PPFIBP2: variants seen among roughly 807,000 people sequenced by gnomAD.
The protein encoded by PPFIBP2 is PPFIB scaffold protein 2.
Under a neutral mutation model 118.3 loss-of-function variants are expected in PPFIBP2, and 118 were observed. That is an observed-to-expected ratio of 1.00 (90% CI 0.86 to 1.16). The LOEUF is 1.16. Among genes scored for constraint, PPFIBP2 ranks in the 50% most tolerant of loss-of-function variants. The pLI, the probability that PPFIBP2 is intolerant of heterozygous loss-of-function variation, is 0.00. For missense variants in PPFIBP2, 1,195 were observed against 1,073.1 expected, an observed-to-expected ratio of 1.11 and a Z score of -1.59; for synonymous variants, 414 against 397.4, an observed-to-expected ratio of 1.04 and a Z score of -0.50.
chr11:7,550,356 T>C lies in PPFIBP2; in HGVS notation c.64+817T>C, dbSNP rs570544299. ...GTGGAGGAAGGTATTGGGCCAAGTG[T>C]GGCTAGACCCCAGGAAGTACACAGA... On this transcript the variant is annotated intron_variant, in intron 2 of 23. Coordinates refer to ENST00000299492, the MANE Select transcript of PPFIBP2 (RefSeq NM_003621.5). 2.0e-5 allele frequency among the ~76,000 whole-genome samples: 3 copies of C among 152,314 alleles called. No individual in the cohort carries two copies. The East Asian group carries it at 5.8e-4, about 29-fold the overall frequency.
chr11:7,540,218 C>A (rs1250834716), intron 1 of PPFIBP2, among the ~76,000 whole-genome samples: 1 of 151,350 alleles, frequency 6.6e-6, no homozygotes, highest in Non-Finnish European at 1.5e-5. Context: ...ATAGACCCAC[C>A]CTCCTGGCAG....
At chr11:7,575,301 G>A (rs1431987454) in intron 3 of PPFIBP2, among the ~76,000 whole-genome samples, 1 of 152,240 alleles carries the variant, frequency 6.6e-6, no homozygotes, top group East Asian at 1.9e-4. Flanking sequence ...GAGTGGTCCA[G>A]TGTGACAAGG....
At chr11:7,621,125 A>G (rs576741503) in intron 7 of PPFIBP2, 98 bp downstream of exon 7, 28 of 909,628 alleles carry the variant, frequency 3.1e-5, no homozygotes, top group Admixed American at 1.2e-4. Context: ...AAGTTTGAAA[A>G]TGCAAATCAA....
At chr11:7,627,133 C>T (rs531665469) in intron 8 of PPFIBP2, among the ~76,000 whole-genome samples, 1 of 152,334 alleles carries the variant, frequency 6.6e-6, no homozygotes, top group African/African-American at 2.4e-5. Context: ...GTCTAAGCCT[C>T]CCAGGCCCTA....
chr11:7,623,330 C>G (rs563651946), intron 7 of PPFIBP2, among the ~76,000 whole-genome samples: 113 of 152,304 alleles, frequency 7.4e-4, no homozygotes, highest in African/African-American at 2.5e-3. Flanking sequence ...GCCCAACTGC[C>G]TGTCTGCATA....
downstream of PPFIBP2, chr11:7,656,671 A>C: frequency 1.6e-6 from 2 of 1,242,190 alleles, no homozygotes; most frequent in Non-Finnish European, 2.1e-6. Flanking sequence ...CAGCTGCCGC[A>C]GGGCAGCCTG....
intron 1 of PPFIBP2, among the ~76,000 whole-genome samples, chr11:7,527,651 G>A (rs10839798): frequency 0.43 from 65,554 of 151,846 alleles, 14,475 homozygotes; most frequent in African/African-American, 0.49. Context: ...AGAGAAAGAT[G>A]TTGGGGGGGC....
chr11:7,565,849 G>T, intron 3 of PPFIBP2, 82 bp downstream of exon 3: 1 of 1,453,502 alleles, frequency 6.9e-7, no homozygotes, highest in Non-Finnish European at 9.5e-7. Flanking sequence ...GACTGGGGCT[G>T]TTGAGTCATC....
intron 12 of PPFIBP2, among the ~76,000 whole-genome samples, chr11:7,633,624 C>T (rs1851065894): frequency 6.6e-6 from 1 of 152,162 alleles, no homozygotes; most frequent in South Asian, 2.1e-4. Flanking sequence ...CAGAATGGTG[C>T]TGAGTCTCCA....
intron 1 of PPFIBP2, chr11:7,539,600 CAG>C (rs1162355256): frequency 6.6e-6 from 1 of 152,336 alleles, no homozygotes; most frequent in East Asian, 1.9e-4. Context: ...GCTCCGGGGT[CAG>C]AGATATGGCC....
intron 3 of PPFIBP2, among the ~76,000 whole-genome samples, chr11:7,573,291 A>G (rs934957219): frequency 6.6e-6 from 1 of 152,194 alleles, no homozygotes; most frequent in Non-Finnish European, 1.5e-5. Flanking sequence ...TAACCCAGGG[A>G]TTAGCAAACC....
At chr11:7,592,676 G>A (rs1030019085) in intron 3 of PPFIBP2, among the ~76,000 whole-genome samples, 3 of 152,288 alleles carry the variant, frequency 2.0e-5, no homozygotes, top group African/African-American at 7.2e-5. Context: ...TTGGCTTCAG[G>A]GGACCCTGGC....
intron 3 of PPFIBP2, among the ~76,000 whole-genome samples, chr11:7,581,990 C>G (rs1857331608): frequency 6.6e-6 from 1 of 152,124 alleles, no homozygotes. Flanking sequence ...GCATACACCG[C>G]CATGCCCAGC....
intron 2 of PPFIBP2, among the ~76,000 whole-genome samples, chr11:7,559,085 G>T (rs750719107): frequency 6.6e-6 from 1 of 152,186 alleles, no homozygotes; most frequent in Non-Finnish European, 1.5e-5. Flanking sequence ...TGACTTCAAT[G>T]TGCATTGAAA....
At chr11:7,584,944 A>G (rs1857869063) in intron 3 of PPFIBP2, among the ~76,000 whole-genome samples, 1 of 152,202 alleles carries the variant, frequency 6.6e-6, no homozygotes, top group Admixed American at 6.5e-5. Flanking sequence ...GGCAGCCTGG[A>G]AACACTACAC....
At chr11:7,647,198 A>T (rs1231567326) in intron 17 of PPFIBP2, among the ~76,000 whole-genome samples, 6 of 152,210 alleles carry the variant, frequency 3.9e-5, no homozygotes, top group Admixed American at 1.3e-4. Flanking sequence ...TGTTAGGGGT[A>T]CTTTGAAGGA....
chr11:7,626,431 T>C (rs890253469), intron 8 of PPFIBP2, among the ~76,000 whole-genome samples: 3 of 152,228 alleles, frequency 2.0e-5, no homozygotes, highest in Non-Finnish European at 4.4e-5. Context: ...AGTCCTATTA[T>C]TCTCTAATTC....
chr11:7,530,915 C>A (rs886444867), intron 1 of PPFIBP2, among the ~76,000 whole-genome samples: 17 of 152,232 alleles, frequency 1.1e-4, no homozygotes, highest in African/African-American at 4.1e-4. Context: ...TCCTTTGATT[C>A]TGAGGAACTG....
At chr11:7,631,121 G>A (rs2135756049) in intron 11 of PPFIBP2, 93 bp downstream of exon 11, 2 of 899,974 alleles carry the variant, frequency 2.2e-6, no homozygotes, top group East Asian at 2.5e-5. Flanking sequence ...CGTGTCAGGT[G>A]CACATCTTGG....
Sources: allele counts gnomAD v4.1 joint callset (sites outside exome capture counted in the v4.1 genomes callset), GRCh38; gene constraint gnomAD v4.1.1; transcripts MANE v1.5; gene names NCBI Gene and HGNC (gene_info 2026-07-23, HGNC 2026-07-21).